The following HPSE2 variants were observed in gnomAD, a reference collection of about 807,000 sequenced individuals.
HPSE2 encodes the protein heparanase 2 (inactive), also known as inactive heparanase-2.
In HPSE2, 38 loss-of-function variants were observed where a neutral mutation model predicts 60.5. The observed-to-expected ratio is 0.63, with a 90% CI of 0.48 to 0.82. The LOEUF (loss-of-function observed/expected upper bound fraction) is 0.82. HPSE2 is among the 40% of genes least tolerant of loss of function. The pLI, the probability that HPSE2 is intolerant of heterozygous loss-of-function variation, is 0.00. For missense variants in HPSE2, 713 were observed against 740.4 expected, an observed-to-expected ratio of 0.96 and a Z score of 0.43; for synonymous variants, 295 against 293.2, an observed-to-expected ratio of 1.01 and a Z score of -0.06.
upstream of HPSE2, among the ~76,000 whole-genome samples, chr10:99,240,587 A>G (rs1849919483): frequency 1.3e-5 from 2 of 151,264 alleles, no homozygotes; most frequent in East Asian, 2.0e-4. Context: ...ATTTTTTTGT[A>G]TTTTTTAGTG....
At chr10:99,086,150 T>A (rs1267260197) in intron 3 of HPSE2, among the ~76,000 whole-genome samples, 1 of 152,130 alleles carries the variant, frequency 6.6e-6, no homozygotes, top group East Asian at 1.9e-4. Context: ...TATAGTATAG[T>A]ATGTCTGGCC....
the HPSE2 span, among the ~76,000 whole-genome samples, chr10:99,243,552 T>C: frequency 3.3e-5 from 5 of 152,314 alleles, no homozygotes; most frequent in South Asian, 1.0e-3. Context: ...GTATAAGTTG[T>C]TTTTATATGT....
In HPSE2 at chr10:98,542,184, C is replaced by T. The variant is rs186948901; in HGVS notation, c.1321-51988G>A. On this transcript the variant is annotated intron_variant, in intron 9 of 11. Transcript: ENST00000370552. ...TCGCGGTTCACGAAAATCCGCTCTT[C>T]TGCAGCCACCTCTGCTGATACCCGG... 1.9e-3 allele frequency among the ~76,000 whole-genome samples: 285 copies of T among 152,300 alleles called. 1 individual carries two copies. The highest frequency in any genetic ancestry group is 6.4e-3 in the African/African-American group (265 of 41,584).
intron 9 of HPSE2, among the ~76,000 whole-genome samples, chr10:98,592,377 T>G (rs1233597417): frequency 6.6e-6 from 1 of 152,230 alleles, no homozygotes; most frequent in Admixed American, 6.5e-5. Context: ...AAATGTCTTA[T>G]AGTTTACGTA....
At chr10:98,622,573 A>C (rs1946102524) in intron 7 of HPSE2, among the ~76,000 whole-genome samples, 1 of 152,150 alleles carries the variant, frequency 6.6e-6, no homozygotes, top group Non-Finnish European at 1.5e-5. Flanking sequence ...CTCTCTCCCC[A>C]CATTTGCTAG....
intron 3 of HPSE2, among the ~76,000 whole-genome samples, chr10:98,959,206 T>C (rs1390320653): frequency 3.3e-5 from 5 of 152,128 alleles, no homozygotes; most frequent in Admixed American, 1.3e-4. Context: ...CTTTCATTAT[T>C]ACTTTGCATT....
At chr10:99,219,182 T>C (rs1849231704) in intron 2 of HPSE2, among the ~76,000 whole-genome samples, 1 of 152,230 alleles carries the variant, frequency 6.6e-6, no homozygotes, top group South Asian at 2.1e-4. Flanking sequence ...TTTCAATGGC[T>C]TTTAGAATCT....
At chr10:99,119,308 T>C (rs969879122) in intron 3 of HPSE2, among the ~76,000 whole-genome samples, 2 of 152,154 alleles carry the variant, frequency 1.3e-5, no homozygotes, top group African/African-American at 4.8e-5. Context: ...ACAGTCAACC[T>C]GAGGGCTAAA....
chr10:98,888,817 CAATTA>C (rs1375474862), intron 3 of HPSE2, among the ~76,000 whole-genome samples: 2 of 152,240 alleles, frequency 1.3e-5, no homozygotes, highest in Non-Finnish European at 2.9e-5. Flanking sequence ...CATGGGAAAC[CAATTA>C]AATTTGAGAA....
intron 7 of HPSE2, among the ~76,000 whole-genome samples, chr10:98,633,085 T>A (rs1246186789): frequency 1.3e-5 from 2 of 152,208 alleles, no homozygotes; most frequent in African/African-American, 4.8e-5. Context: ...CTCCTCCTCA[T>A]CCTACTCAAT....
At chr10:98,528,296 C>A (rs532518150) in intron 9 of HPSE2, among the ~76,000 whole-genome samples, 19 of 152,266 alleles carry the variant, frequency 1.2e-4, no homozygotes, top group African/African-American at 3.4e-4. Context: ...CTTCTCCCAG[C>A]CAGCTTTTAG....
intron 9 of HPSE2, among the ~76,000 whole-genome samples, chr10:98,606,004 A>G (rs886554501): frequency 2.0e-5 from 3 of 152,198 alleles, no homozygotes; most frequent in Non-Finnish European, 4.4e-5. Flanking sequence ...TATTCAACTT[A>G]GCAACTGCTT....
At chr10:98,582,526 A>C (rs1944829140) in intron 9 of HPSE2, among the ~76,000 whole-genome samples, 5 of 152,182 alleles carry the variant, frequency 3.3e-5, no homozygotes, top group Admixed American at 3.3e-4. Flanking sequence ...ACCAGGCAGT[A>C]CTGTGAAGCA....
At chr10:99,308,448 T>C in the HPSE2 span, among the ~76,000 whole-genome samples, 1 of 145,790 alleles carries the variant, frequency 6.9e-6, no homozygotes, top group Admixed American at 7.0e-5. Flanking sequence ...CTGTGGCATA[T>C]CCATACAATG....
chr10:99,301,662 T>A, the HPSE2 span, among the ~76,000 whole-genome samples: 13 of 152,262 alleles, frequency 8.5e-5, no homozygotes, highest in African/African-American at 3.1e-4. Flanking sequence ...ACCAGTGGCT[T>A]ACTGTTCTAA....
chr10:98,606,455 C>T (rs368063324), intron 9 of HPSE2, among the ~76,000 whole-genome samples: 38 of 152,242 alleles, frequency 2.5e-4, no homozygotes, highest in African/African-American at 9.6e-5. Flanking sequence ...AAGAAGCTCC[C>T]GAGGTGACTA....
chr10:98,609,186 A>G (rs1328530071), intron 9 of HPSE2, among the ~76,000 whole-genome samples: 2 of 152,136 alleles, frequency 1.3e-5, no homozygotes, highest in African/African-American at 2.4e-5. Flanking sequence ...TCCTCCACCC[A>G]GTATGACTTC....
chr10:98,781,058 A>G (rs1950454142), intron 3 of HPSE2, among the ~76,000 whole-genome samples: 1 of 151,976 alleles, frequency 6.6e-6, no homozygotes, highest in Admixed American at 6.6e-5. Flanking sequence ...CGGCATCACG[A>G]TATGTAGGAA....
At chr10:98,592,670 T>C (rs953841964) in intron 9 of HPSE2, among the ~76,000 whole-genome samples, 11 of 152,224 alleles carry the variant, frequency 7.2e-5, no homozygotes, top group Non-Finnish European at 1.3e-4. Flanking sequence ...GGGGGAAATT[T>C]AATCCACATG....
Sources: allele counts gnomAD v4.1 joint callset (sites outside exome capture counted in the v4.1 genomes callset), GRCh38; gene constraint gnomAD v4.1.1; transcripts MANE v1.5; gene names NCBI Gene and HGNC (gene_info 2026-07-23, HGNC 2026-07-21).